The following PDIA5 variants were observed in gnomAD, a reference collection of about 807,000 sequenced individuals.
PDIA5 encodes protein disulfide isomerase family A member 5, also known as protein disulfide-isomerase A5.
Under a neutral mutation model 77.6 loss-of-function variants are expected in PDIA5, and 58 were observed. The observed-to-expected ratio is 0.75, with a 90% CI of 0.61 to 0.93. The LOEUF is 0.93. Ranked by LOEUF, PDIA5 falls within the 40% of genes least tolerant of loss-of-function variation. The probability of loss-of-function intolerance (pLI) is 0.00; values close to 1 mark genes in which losing one functional copy is unlikely to be tolerated. For missense variants in PDIA5, 630 were observed against 647.7 expected (o/e 0.97, Z 0.30); for synonymous variants, 250 against 252.1 (o/e 0.99, Z 0.08).
At chr3:123,093,967 A>T (rs1021957249) in intron 3 of PDIA5, among the ~76,000 whole-genome samples, 1 of 152,220 alleles carries the variant, frequency 6.6e-6, no homozygotes, top group Non-Finnish European at 1.5e-5. Flanking sequence ...AGCGGCCTGG[A>T]AAACATGCAG....
intron 1 of PDIA5, among the ~76,000 whole-genome samples, chr3:123,086,155 G>A (rs1934134053): frequency 6.6e-6 from 1 of 152,138 alleles, no homozygotes; most frequent in Non-Finnish European, 1.5e-5. Flanking sequence ...ACTAGAATAT[G>A]GTAATGTTTC....
chr3:123,113,961 C>G (rs1193019971), intron 7 of PDIA5, among the ~76,000 whole-genome samples: 3 of 152,246 alleles, frequency 2.0e-5, no homozygotes, highest in African/African-American at 7.2e-5. Flanking sequence ...AAGATAAACT[C>G]AGGAAGCACA....
chr3:123,098,123 T>C (rs1438886548), intron 3 of PDIA5, among the ~76,000 whole-genome samples: 2 of 152,182 alleles, frequency 1.3e-5, no homozygotes, highest in African/African-American at 2.4e-5. Flanking sequence ...TAAGGCAGCC[T>C]GTCTCCATGC....
In PDIA5 at chr3:123,161,428, C is replaced by T. The variant is rs897117215; in HGVS notation, c.1452C>T (p.Phe484=). The change falls in exon 16 of 17, where the codon TTC becomes TTT. Residue 484 remains phenylalanine, a synonymous_variant. Coordinates refer to ENST00000316218, the MANE Select transcript of PDIA5 (RefSeq NM_006810.4). ...PTFHYYHYGK[F]AEKYDSDRTE... ...TCCACTACTACCACTATGGGAAGTT[C>T]GCAGAAAAGTATGACAGCGACCGCA... 2.2e-5 allele frequency: 36 copies of T among 1,613,966 alleles called. No individual in the cohort carries two copies. Among genetic ancestry groups the T allele is most frequent in the South Asian group, 1.4e-4 (13 of 91,078 alleles).
intron 11 of PDIA5, among the ~76,000 whole-genome samples, chr3:123,134,248 G>C (rs1447607256): frequency 1.3e-5 from 2 of 152,102 alleles, no homozygotes; most frequent in Non-Finnish European, 2.9e-5. Flanking sequence ...GGTCTGCTTT[G>C]TTGCTTCTAT....
intron 13 of PDIA5, among the ~76,000 whole-genome samples, chr3:123,149,863 G>C (rs1365496121): frequency 6.6e-6 from 1 of 152,122 alleles, no homozygotes; most frequent in Admixed American, 6.5e-5. Context: ...GATAATGAAC[G>C]ATCATGTAGG....
intron 11 of PDIA5, among the ~76,000 whole-genome samples, chr3:123,141,069 A>G (rs1245318162): frequency 6.6e-6 from 1 of 152,202 alleles, no homozygotes; most frequent in Non-Finnish European, 1.5e-5. Flanking sequence ...GGGATGAAGT[A>G]AACCTCCCTA....
chr3:123,091,967 A>T (rs1263910062), intron 2 of PDIA5, among the ~76,000 whole-genome samples: 1 of 152,268 alleles, frequency 6.6e-6, no homozygotes, highest in Non-Finnish European at 1.5e-5. Flanking sequence ...CTTTAGTTAT[A>T]GGATTGTCAT....
chr3:123,161,577 C>A, intron 16 of PDIA5, 122 bp downstream of exon 16: 1 of 1,088,490 alleles, frequency 9.2e-7, no homozygotes, highest in Non-Finnish European at 1.3e-6. Context: ...TGGAACACTG[C>A]ACCGAGAGGC....
intron 15 of PDIA5, among the ~76,000 whole-genome samples, chr3:123,160,623 C>G (rs1411864848): frequency 6.6e-6 from 1 of 152,216 alleles, no homozygotes; most frequent in Non-Finnish European, 1.5e-5. Flanking sequence ...CCTGCCCAGA[C>G]ACTGAGCCCC....
At chr3:123,112,940 C>T (rs1658793942) in intron 7 of PDIA5, among the ~76,000 whole-genome samples, 1 of 152,190 alleles carries the variant, frequency 6.6e-6, no homozygotes. Flanking sequence ...CAGGGCTGTG[C>T]TTACCTTTGG....
chr3:123,099,159 A>T (rs1239318031), intron 3 of PDIA5, among the ~76,000 whole-genome samples: 3 of 152,208 alleles, frequency 2.0e-5, no homozygotes, highest in African/African-American at 7.2e-5. Context: ...GAATTTCAGG[A>T]ATTGTCACCT....
At chr3:123,156,986 G>T (rs1313599684) in intron 15 of PDIA5, among the ~76,000 whole-genome samples, 1 of 152,184 alleles carries the variant, frequency 6.6e-6, no homozygotes, top group Non-Finnish European at 1.5e-5. Flanking sequence ...TGCTACATGG[G>T]GGCCCATTTC....
intron 11 of PDIA5, among the ~76,000 whole-genome samples, chr3:123,134,957 C>T (rs1397225606): frequency 6.6e-6 from 1 of 152,170 alleles, no homozygotes; most frequent in Non-Finnish European, 1.5e-5. Context: ...CCGTTTGTAG[C>T]AAGGCTTCGT....
intron 11 of PDIA5, among the ~76,000 whole-genome samples, chr3:123,134,631 T>A (rs1280297374): frequency 4.6e-5 from 7 of 152,030 alleles, no homozygotes; most frequent in African/African-American, 1.7e-4. Flanking sequence ...CTTCCCTCTC[T>A]CTCCCAGCAA....
chr3:123,081,546 G>A (rs907284325), intron 1 of PDIA5, among the ~76,000 whole-genome samples: 3 of 152,340 alleles, frequency 2.0e-5, no homozygotes, highest in Admixed American at 6.5e-5. Flanking sequence ...TGAGCAAAAT[G>A]TGGGTTAAAC....
At chr3:123,152,099 G>GCCTTCCTT (rs55766491) in intron 14 of PDIA5, among the ~76,000 whole-genome samples, 1 of 79,508 alleles carries the variant, frequency 1.3e-5, no homozygotes, top group Non-Finnish European at 2.7e-5. Flanking sequence ...CTGCCTTCCT[G>GCCTTCCTT]CCTTCCTTCC....
intron 6 of PDIA5, among the ~76,000 whole-genome samples, chr3:123,108,721 A>G (rs1034336422): frequency 6.6e-6 from 1 of 151,808 alleles, no homozygotes; most frequent in Non-Finnish European, 1.5e-5. Flanking sequence ...CTCCGTCTCT[A>G]CTAAAGATAA....
chr3:123,135,745 C>CTTTTTTTTGTTTTT (rs1935484549), intron 11 of PDIA5, among the ~76,000 whole-genome samples: 1 of 80,468 alleles, frequency 1.2e-5, no homozygotes, highest in Non-Finnish European at 2.2e-5. Context: ...GAGGTAACAA[C>CTTTTTTTTGTTTTT]TTTTTTTTTT....
Sources: gnomAD v4.1 joint callset for allele counts (sites outside exome capture counted in the v4.1 genomes callset) on GRCh38, gnomAD v4.1.1 for gene constraint, MANE v1.5 for transcripts, NCBI Gene and HGNC (gene_info 2026-07-23, HGNC 2026-07-21) for gene names.